RBM47: variants seen among roughly 807,000 people sequenced by gnomAD.
RBM47 encodes RNA binding motif protein 47.
Under a neutral mutation model 47.1 loss-of-function variants are expected in RBM47, and 21 were observed. The ratio of observed to expected loss-of-function variants is 0.45; its 90% CI spans 0.32 to 0.64. The LOEUF is 0.64. Ranked by LOEUF, RBM47 falls within the 30% of genes least tolerant of loss-of-function variation. The pLI is 0.05. For missense variants in RBM47, 708 were observed against 870.9 expected (o/e 0.81, Z 2.35); for synonymous variants, 375 against 361.7 (o/e 1.04, Z -0.42).
chr4:40,610,855 C>A (rs1259199136), intron 1 of RBM47, among the ~76,000 whole-genome samples: 1 of 152,086 alleles, frequency 6.6e-6, no homozygotes, highest in Non-Finnish European at 1.5e-5. Flanking sequence ...GCTTTCACTT[C>A]TTCCTCATTC....
In RBM47 at chr4:40,443,758, A is replaced by G. The variant is rs1400007464; in HGVS notation, c.-31-4834T>C. Reference sequence around the variant, plus strand: ...AAAAAAAAAAAAAAAAAAAAGGTACACTGACTCAGGTTAACACATTCAAGA... The same window carrying G: ...AAAAAAAAAAAAAAAAAAAAGGTACGCTGACTCAGGTTAACACATTCAAGA... On this transcript the variant is annotated intron_variant, in intron 3 of 6. Coordinates refer to ENST00000295971, the MANE Select transcript of RBM47 (RefSeq NM_001098634.2). 2.1e-5 allele frequency among the ~76,000 whole-genome samples: 3 copies of G among 139,870 alleles called. No homozygotes were observed. The East Asian group carries it at 6.2e-4, about 29-fold the overall frequency. The allele number at this position is 139,870 out of a possible 152,430, so 91.8% of individuals were successfully genotyped here.
chr4:40,509,924 C>T (rs1724698357), intron 2 of RBM47, among the ~76,000 whole-genome samples: 1 of 149,910 alleles, frequency 6.7e-6, no homozygotes, highest in Admixed American at 6.7e-5. Context: ...CAGTGGCTCA[C>T]GCCTGTAATC....
At chr4:40,466,500 G>A (rs1718050231) in intron 3 of RBM47, 77 bp downstream of exon 3, 1 of 152,038 alleles carries the variant, frequency 6.6e-6, no homozygotes, top group Admixed American at 6.6e-5. Flanking sequence ...TAAGTAGCAG[G>A]TATCTTGGTT....
In RBM47 at chr4:40,437,138, CAT is replaced by C. The variant is rs1166644165; in HGVS notation, c.1124-493_1124-492del. Among the ~76,000 whole-genome samples the C allele has an allele frequency of 4.9e-3, 374 of 76,176 alleles. 18 individuals are homozygous for C. The highest frequency in any genetic ancestry group is 0.028 in the East Asian group (53 of 1,926). The allele number at this position is 76,176 out of a possible 152,430, so 50.0% of individuals were successfully genotyped here. On this transcript the variant is annotated intron_variant, in intron 4 of 6. Transcript: ENST00000295971. ...AATACATATATATATATATAAAATACATATATATATATAAAATACATATATAT... is the reference window on the plus strand; with the variant it reads ...AATACATATATATATATATAAAATACATATATATATAAAATACATATATAT...
Position 40,423,686 on chromosome 4 carries a change from TTC to T in RBM47, c.*2216_*2217del, listed in dbSNP as rs1430800501. ...TTTCTTTCTTTCTTTCTTTCTTTCTTTCTTTCTTTCTTTCTTTCTTTCTTTCT... is the reference window on the plus strand; with the variant it reads ...TTTCTTTCTTTCTTTCTTTCTTTCTTTTTCTTTCTTTCTTTCTTTCTTTCT... On this transcript the variant is annotated 3_prime_UTR_variant, in exon 7 of 7. Transcript: ENST00000295971. 3 of 106,162 alleles carry T rather than the reference TTC, an allele frequency of 2.8e-5. No homozygotes were observed. The highest frequency in any genetic ancestry group is 1.1e-4 in the Admixed American group (1 of 8,816). 6.6% of individuals were successfully genotyped at this position (106,162 alleles called of 1,614,324 possible).
intron 5 of RBM47, among the ~76,000 whole-genome samples, chr4:40,434,341 G>A (rs1017610011): frequency 2.6e-5 from 4 of 152,060 alleles, no homozygotes; most frequent in Non-Finnish European, 4.4e-5. Context: ...AGAAATAGAC[G>A]CCAATCGATG....
rs753415328 is a variant in RBM47 at position 40,436,490 on chromosome 4, C to T, written c.1281G>A (p.Pro427=). 17 of 1,614,010 alleles carry T rather than the reference C, an allele frequency of 1.1e-5. No individual in the cohort carries two copies. The highest frequency in any genetic ancestry group is 2.7e-5 in the African/African-American group (2 of 74,924). Residue 427 remains proline, a synonymous_variant, in exon 5 of 7, where the codon CCG becomes CCA. Coordinates refer to ENST00000295971, the MANE Select transcript of RBM47 (RefSeq NM_001098634.2). ...GGTTGACGGTAGGGATTTCCAAATT[C>T]GGCACCAGTTCATATCCTTTTTCTT... The part of the protein sequence containing the change: ...KQQEKGYELV[P]NLEIPTVNPV...
intron 6 of RBM47, among the ~76,000 whole-genome samples, chr4:40,427,996 G>T (rs1316030611): frequency 1.3e-5 from 2 of 152,196 alleles, no homozygotes; most frequent in African/African-American, 4.8e-5. Flanking sequence ...TTCGAGACCA[G>T]CCTGGGCAAC....
rs1414739744 is a variant in RBM47, at chr4:40,438,049, T to G, written c.845A>C (p.Asp282Ala). The part of the protein sequence containing the change: ...GCVERVKKIR[D>A]YAFVHFTSRE... ...GCTGGTGAAGTGCACGAAGGCGTAG[T>G]CGCGGATCTTCTTGACGCGCTCCAC... The change falls in exon 4 of 7, where the codon GAC becomes GCC. Residue 282 changes from aspartate (D) to alanine (A), a missense_variant. Physicochemically the swap from Asp to Ala is moderately radical, Grantham distance 126 (BLOSUM62 -2). Coordinates refer to ENST00000295971, the MANE Select transcript of RBM47 (RefSeq NM_001098634.2). 1 of 1,613,570 alleles carries G rather than the reference T, an allele frequency of 6.2e-7. No homozygotes were observed. Among genetic ancestry groups the G allele is most frequent in the South Asian group, 1.1e-5 (1 of 91,078 alleles).
At chr4:40,524,951 C>G (rs544189044) in intron 2 of RBM47, among the ~76,000 whole-genome samples, 1 of 152,132 alleles carries the variant, frequency 6.6e-6, no homozygotes, top group Non-Finnish European at 1.5e-5. Context: ...CTGATCCAGG[C>G]CACTGGATAT....
chr4:40,609,623 T>C (rs1736074809), intron 1 of RBM47, among the ~76,000 whole-genome samples: 1 of 152,010 alleles, frequency 6.6e-6, no homozygotes, highest in African/African-American at 2.4e-5. Context: ...ATGACCTTTT[T>C]CTTCTTTTTT....
chr4:40,493,445 G>A (rs1722167928), intron 2 of RBM47, among the ~76,000 whole-genome samples: 1 of 152,126 alleles, frequency 6.6e-6, no homozygotes, highest in South Asian at 2.1e-4. Context: ...CAAAGAATGT[G>A]AAATTCTTTC....
intron 2 of RBM47, among the ~76,000 whole-genome samples, chr4:40,482,870 G>A (rs542285095): frequency 6.6e-6 from 1 of 152,198 alleles, no homozygotes; most frequent in East Asian, 1.9e-4. Flanking sequence ...TCTTATTTAA[G>A]CCTAGTTACC....
At chr4:40,451,414 T>C (rs773041898) in intron 3 of RBM47, among the ~76,000 whole-genome samples, 17 of 152,158 alleles carry the variant, frequency 1.1e-4, no homozygotes, top group Non-Finnish European at 1.9e-4. Flanking sequence ...GCCTGGGTCA[T>C]AGAAACATCA....
At chr4:40,528,092 T>A (rs56395462) in intron 2 of RBM47, among the ~76,000 whole-genome samples, 18,438 of 152,174 alleles carry the variant, frequency 0.12, 1,242 homozygotes, top group East Asian at 0.19. Context: ...GGTTACAAAA[T>A]AAATGTAAGC....
chr4:40,432,768 G>A lies in RBM47; in HGVS notation c.1425C>T (p.His475=), dbSNP rs1711549199. The A allele has an allele frequency of 1.2e-6, 2 of 1,613,572 alleles. No homozygotes were observed. Among genetic ancestry groups the A allele is most frequent in the African/African-American group, 1.3e-5 (1 of 75,004 alleles). ...GCTGCACAGCAATGGGGCTGATCAT[G>A]TGCTCCACTGTGTGGATTTTGCCAT... ...IEDGKIHTVE[H]MISPIAVQPD... The change falls in exon 6 of 7, where the codon CAC becomes CAT. Residue 475 remains histidine, a synonymous_variant. Transcript: ENST00000295971.
At chr4:40,506,361 C>T (rs1021612644) in intron 2 of RBM47, among the ~76,000 whole-genome samples, 1 of 152,182 alleles carries the variant, frequency 6.6e-6, no homozygotes, top group Non-Finnish European at 1.5e-5. Context: ...ATGCAAATTT[C>T]CCTCCAAGGA....
At chr4:40,602,450 C>G (rs1054594303) in intron 1 of RBM47, among the ~76,000 whole-genome samples, 1 of 151,542 alleles carries the variant, frequency 6.6e-6, no homozygotes. Flanking sequence ...GATATCGAGA[C>G]CATCCTGGCC....
Position 40,432,855 on chromosome 4 carries a change from G to C in RBM47, c.1338C>G (p.Ile446Met). ...PVAIKPGTVA[I>M]PAIGAQYSMF... ...TGGAATACTGAGCCCCAATGGCAGG[G>C]ATGGCTACTGCAAGAGAAGCAAGAA... The change falls in exon 6 of 7, where the codon ATC becomes ATG. Residue 446 changes from isoleucine to methionine, a missense_variant. By Grantham distance (10) the Ile-to-Met change is conservative. Coordinates refer to ENST00000295971, the MANE Select transcript of RBM47 (RefSeq NM_001098634.2). 6.2e-7 allele frequency: 1 copy of C among 1,613,558 alleles called. No homozygotes were observed.
Sources: allele counts gnomAD v4.1 joint callset (sites outside exome capture counted in the v4.1 genomes callset), GRCh38; gene constraint gnomAD v4.1.1; transcripts MANE v1.5; gene names NCBI Gene and HGNC (gene_info 2026-07-23, HGNC 2026-07-21).